The following U2SURP variants were observed in gnomAD, a reference collection of about 807,000 sequenced individuals.
The protein encoded by U2SURP is U2 snRNP associated SURP domain containing, also known as U2 snRNP-associated SURP motif-containing protein.
Under a neutral mutation model 144.9 loss-of-function variants are expected in U2SURP, and 9 were observed. The observed-to-expected ratio is 0.06, with a 90% confidence interval of 0.04 to 0.11. U2SURP has a LOEUF of 0.11. Ranked by LOEUF, U2SURP falls within the 10% of genes least tolerant of loss-of-function variation. The probability of loss-of-function intolerance (pLI) is 1.00; values close to 1 mark genes in which losing one functional copy is unlikely to be tolerated. For missense variants in U2SURP, 724 were observed against 1,226.7 expected (o/e 0.59, Z 6.12); for synonymous variants, 408 against 396.8 (o/e 1.03, Z -0.33).
At chr3:143,039,079 A>G in intron 23 of U2SURP, 119 bp downstream of exon 23, 1 of 648,470 alleles carries the variant, frequency 1.5e-6, no homozygotes, top group Admixed American at 4.3e-5. Context: ...ATTTTGGGAG[A>G]GGATCATTTT....
intron 24 of U2SURP, 58 bp from the exon 25 acceptor site, chr3:143,050,881 A>G: frequency 8.3e-7 from 1 of 1,201,786 alleles, no homozygotes; most frequent in Non-Finnish European, 1.2e-6. Flanking sequence ...GAAGCAAAAC[A>G]GTGCTTGAGA....
In U2SURP at chr3:143,003,688, T is replaced by TC. The variant is rs1935663655; in HGVS notation, c.45+2015_45+2016insC. The stretch of plus-strand genomic sequence containing the variant: ...TATTTATTTTATTTCTTTTTTTTTT[T>TC]TTTTTTTTTTTTTGTGAAAGAGTTT... On this transcript the variant is annotated intron_variant, in intron 1 of 27. Coordinates refer to ENST00000473835, the MANE Select transcript of U2SURP (RefSeq NM_001080415.2). 2.8e-5 allele frequency among the ~76,000 whole-genome samples: 4 copies of TC among 142,610 alleles called. 1 individual carries two copies. In the East Asian group the frequency reaches 8.0e-4, roughly 28 times the overall value. The allele number at this position is 142,610 out of a possible 152,430, so 93.6% of individuals were successfully genotyped here.
At chr3:143,026,144 C>T (rs1435487918) in intron 13 of U2SURP, 1 of 152,034 alleles carries the variant, frequency 6.6e-6, no homozygotes, top group Admixed American at 6.6e-5. Flanking sequence ...TAACCTGAGT[C>T]ATTTTTGCCC....
intron 24 of U2SURP, 120 bp from the exon 25 acceptor site, chr3:143,050,819 T>G: frequency 1.6e-6 from 1 of 615,890 alleles, no homozygotes; most frequent in Non-Finnish European, 2.8e-6. Context: ...GGCCTTCAGG[T>G]GAGGTTATAT....
At chr3:143,036,207 A>G in intron 20 of U2SURP, 103 bp downstream of exon 20, 4 of 1,266,808 alleles carry the variant, frequency 3.2e-6, no homozygotes, top group South Asian at 4.4e-5. Context: ...TTTCTTTGTG[A>G]AAAATATCTA....
In U2SURP at chr3:143,022,479, T is replaced by C. The variant is rs1257147146; in HGVS notation, c.853-18T>C. On this transcript the variant is annotated intron_variant, in intron 10 of 27. Transcript: ENST00000473835. Reference sequence around the variant, plus strand: ...TTCCCTTTTTTGCATAATAAAAATCTTTTACCCTTTTTAATAGATGAATGA... The same window carrying C: ...TTCCCTTTTTTGCATAATAAAAATCCTTTACCCTTTTTAATAGATGAATGA... 1 of 1,481,594 alleles carries C rather than the reference T, an allele frequency of 6.7e-7. No individual in the cohort carries two copies. 91.8% of individuals were successfully genotyped at this position (1,481,594 alleles called of 1,614,324 possible).
At chr3:143,003,728 G>C (rs1355433227) in intron 1 of U2SURP, among the ~76,000 whole-genome samples, 2 of 128,008 alleles carry the variant, frequency 1.6e-5, no homozygotes, top group Admixed American at 2.0e-4. Context: ...CTGTCGCCCA[G>C]GCTGGAGTGC....
intron 24 of U2SURP, 143 bp downstream of exon 24, chr3:143,043,419 C>A: frequency 3.6e-6 from 3 of 843,374 alleles, no homozygotes; most frequent in Non-Finnish European, 5.2e-6. Flanking sequence ...GACTTTTCTT[C>A]AGGCCTCTTA....
Position 143,032,689 on chromosome 3 carries a change from G to C in U2SURP, c.1611-95G>C. ...TACAGTCTTCAGAATTATTTTATGT[G>C]AGTAGGTTTTAAAGAAATTAGTTTG... On this transcript the variant is annotated intron_variant, in intron 16 of 27. Transcript: ENST00000473835. 5.5e-6 allele frequency: 6 copies of C among 1,085,342 alleles called. No individual in the cohort carries two copies. In the South Asian group the frequency reaches 9.7e-5, roughly 18 times the overall value. The allele number at this position is 1,085,342 out of a possible 1,614,324, so 67.2% of individuals were successfully genotyped here.
chr3:143,004,998 TTGAC>T (rs1359637239), intron 1 of U2SURP, among the ~76,000 whole-genome samples: 2 of 152,194 alleles, frequency 1.3e-5, no homozygotes, highest in Non-Finnish European at 2.9e-5. Flanking sequence ...ATTACTGTTT[TTGAC>T]TGTCAATTGT....
intron 1 of U2SURP, among the ~76,000 whole-genome samples, chr3:143,008,280 A>G (rs1935946244): frequency 6.6e-6 from 1 of 152,238 alleles, no homozygotes; most frequent in Non-Finnish European, 1.5e-5. Context: ...GGGAAGAGTT[A>G]ACTATATGGA....
chr3:143,002,023 G>A (rs1051487859), intron 1 of U2SURP, among the ~76,000 whole-genome samples: 2 of 152,240 alleles, frequency 1.3e-5, no homozygotes, highest in African/African-American at 4.8e-5. Context: ...ACAGCGCCTG[G>A]GAGAGAGGCG....
intron 6 of U2SURP, among the ~76,000 whole-genome samples, chr3:143,019,012 T>G (rs1936510299): frequency 6.6e-6 from 1 of 152,244 alleles, no homozygotes; most frequent in African/African-American, 2.4e-5. Context: ...TACTTCATTG[T>G]GGTTTTGATT....
chr3:143,030,872 C>T (rs1933442695), intron 16 of U2SURP, among the ~76,000 whole-genome samples: 1 of 152,054 alleles, frequency 6.6e-6, no homozygotes, highest in African/African-American at 2.4e-5. Flanking sequence ...ATAGTGAGAC[C>T]CCATTTCTAT....
chr3:143,045,366 CAAA>C (rs11356372), intron 24 of U2SURP, among the ~76,000 whole-genome samples: 20 of 75,420 alleles, frequency 2.7e-4, no homozygotes, highest in Non-Finnish European at 2.3e-4. Context: ...GAGACGCCGT[CAAA>C]AAAAAAAAAA....
At chr3:143,026,255 A>G (rs147393361) in intron 13 of U2SURP, 271 of 152,334 alleles carry the variant, frequency 1.8e-3, no homozygotes, top group African/African-American at 6.4e-3. Flanking sequence ...AGTTCAGTCA[A>G]TAAAATGACT....
At chr3:143,003,833 A>C (rs1330218548) in intron 1 of U2SURP, among the ~76,000 whole-genome samples, 1 of 151,468 alleles carries the variant, frequency 6.6e-6, no homozygotes, top group Non-Finnish European at 1.5e-5. Flanking sequence ...CTGGGACTAC[A>C]GGCGCCCGCC....
chr3:143,005,129 CTG>C (rs2108265262), intron 1 of U2SURP, among the ~76,000 whole-genome samples: 1 of 149,094 alleles, frequency 6.7e-6, no homozygotes, highest in Admixed American at 6.7e-5. Flanking sequence ...CTATTTCACT[CTG>C]TGACTATGGC....
chr3:143,045,613 G>A (rs572019401), intron 24 of U2SURP, among the ~76,000 whole-genome samples: 3 of 152,068 alleles, frequency 2.0e-5, no homozygotes, highest in South Asian at 2.1e-4. Context: ...CCTTGTATAC[G>A]TATATATGCG....
Sources: allele counts gnomAD v4.1 joint callset (sites outside exome capture counted in the v4.1 genomes callset), GRCh38; gene constraint gnomAD v4.1.1; transcripts MANE v1.5; gene names NCBI Gene and HGNC (gene_info 2026-07-23, HGNC 2026-07-21).